SETBP1: variants seen among roughly 807,000 people sequenced by gnomAD.
The protein encoded by SETBP1 is SET-binding protein.
SETBP1 carries 9 observed loss-of-function variants against 101.0 expected under a neutral mutation model. The observed-to-expected ratio is 0.09, with a 90% CI of 0.05 to 0.16. The LOEUF (loss-of-function observed/expected upper bound fraction) is 0.16. Ranked by LOEUF, SETBP1 falls within the 10% of genes least tolerant of loss-of-function variation. The probability of loss-of-function intolerance (pLI) is 1.00; values close to 1 mark genes in which losing one functional copy is unlikely to be tolerated. For missense variants in SETBP1, 1,858 were observed against 2,033.8 expected (o/e 0.91, Z 1.66); for synonymous variants, 818 against 788.5 (o/e 1.04, Z -0.63).
At chr18:44,807,554 CAGAA>C (rs2071774580) in intron 2 of SETBP1, among the ~76,000 whole-genome samples, 1 of 152,132 alleles carries the variant, frequency 6.6e-6, no homozygotes, top group Non-Finnish European at 1.5e-5. Flanking sequence ...TGAGAGCCAA[CAGAA>C]ACTCCCAAAT....
intron 2 of SETBP1, among the ~76,000 whole-genome samples, chr18:44,758,942 A>C (rs1397071524): frequency 1.3e-5 from 2 of 152,206 alleles, no homozygotes; most frequent in Non-Finnish European, 2.9e-5. Context: ...GTCTGCAGGG[A>C]CCACCACAGA....
At chr18:45,027,649 G>T (rs2073195515) in intron 4 of SETBP1, among the ~76,000 whole-genome samples, 1 of 152,204 alleles carries the variant, frequency 6.6e-6, no homozygotes, top group Non-Finnish European at 1.5e-5. Flanking sequence ...TAAGTGTAGT[G>T]CTAAGAAGTA....
chr18:44,812,140 T>C (rs1268900190), intron 2 of SETBP1, among the ~76,000 whole-genome samples: 3 of 152,046 alleles, frequency 2.0e-5, no homozygotes, highest in African/African-American at 7.2e-5. Context: ...GAGAGCTGCA[T>C]GTAAGTCTCT....
chr18:44,770,179 G>A (rs2070843086), intron 2 of SETBP1, among the ~76,000 whole-genome samples: 1 of 152,208 alleles, frequency 6.6e-6, no homozygotes, highest in Admixed American at 6.5e-5. Flanking sequence ...TAACTGATAT[G>A]TTAATGAGAA....
chr18:45,045,603 A>T (rs756812103), intron 5 of SETBP1, among the ~76,000 whole-genome samples: 1 of 152,038 alleles, frequency 6.6e-6, no homozygotes, highest in African/African-American at 2.4e-5. Context: ...CACACCACAC[A>T]TGGGCCATGA....
intron 3 of SETBP1, among the ~76,000 whole-genome samples, chr18:44,902,763 T>C (rs571285028): frequency 2.0e-5 from 3 of 152,326 alleles, no homozygotes; most frequent in Admixed American, 2.0e-4. Flanking sequence ...TTATGGTATT[T>C]TCAGAATAAA....
intron 3 of SETBP1, among the ~76,000 whole-genome samples, chr18:44,941,836 C>A (rs190800424): frequency 9.9e-5 from 15 of 151,766 alleles, no homozygotes; most frequent in Admixed American, 9.9e-4. Context: ...GTAGTCGTTG[C>A]GATCCTGAGA....
intron 2 of SETBP1, among the ~76,000 whole-genome samples, chr18:44,737,155 G>C (rs893441290): frequency 2.6e-5 from 4 of 152,346 alleles, no homozygotes; most frequent in South Asian, 4.1e-4. Context: ...TCCTCAGCAG[G>C]CCTGGCTTGC....
chr18:44,858,689 T>G (rs2073021978), intron 2 of SETBP1, among the ~76,000 whole-genome samples: 1 of 152,210 alleles, frequency 6.6e-6, no homozygotes, highest in Non-Finnish European at 1.5e-5. Flanking sequence ...CATCCTGCTG[T>G]CCAGCTCCTT....
intron 3 of SETBP1, chr18:44,877,029 G>C: frequency 8.8e-7 from 1 of 1,141,302 alleles, no homozygotes; most frequent in Middle Eastern, 3.6e-4. Flanking sequence ...TGCTTGCTCA[G>C]ACGATCACTT....
chr18:45,036,726 G>A (rs1310008851), intron 4 of SETBP1, among the ~76,000 whole-genome samples: 1 of 152,180 alleles, frequency 6.6e-6, no homozygotes, highest in Non-Finnish European at 1.5e-5. Flanking sequence ...GAAGGAAGGA[G>A]GTAAATGTCA....
At chr18:44,947,931 T>C (rs139466047) in intron 3 of SETBP1, among the ~76,000 whole-genome samples, 79 of 152,360 alleles carry the variant, frequency 5.2e-4, no homozygotes, top group African/African-American at 1.8e-3. Context: ...CCTGTGATCC[T>C]GTTAGTAAAC....
At chr18:44,810,321 A>G (rs1435038023) in intron 2 of SETBP1, among the ~76,000 whole-genome samples, 1 of 152,230 alleles carries the variant, frequency 6.6e-6, no homozygotes, top group Non-Finnish European at 1.5e-5. Flanking sequence ...GGAAAATTGA[A>G]CTAGACAATG....
intron 2 of SETBP1, among the ~76,000 whole-genome samples, chr18:44,726,494 G>A (rs971113893): frequency 1.3e-5 from 2 of 152,142 alleles, no homozygotes; most frequent in Admixed American, 6.5e-5. Context: ...GCATGGGGAG[G>A]TTGAATAACT....
At chr18:44,794,120 A>C (rs2071421866) in intron 2 of SETBP1, among the ~76,000 whole-genome samples, 1 of 152,086 alleles carries the variant, frequency 6.6e-6, no homozygotes, top group South Asian at 2.1e-4. Flanking sequence ...TGAACAGGGG[A>C]GGGCTAAATA....
chr18:44,982,548 T>C (rs182722081), intron 4 of SETBP1, among the ~76,000 whole-genome samples: 1 of 152,354 alleles, frequency 6.6e-6, no homozygotes. Flanking sequence ...AGAGCATAGC[T>C]TTTTGAGTTT....
chr18:44,904,340 G>A (rs2070122922), intron 3 of SETBP1, among the ~76,000 whole-genome samples: 1 of 152,154 alleles, frequency 6.6e-6, no homozygotes, highest in African/African-American at 2.4e-5. Context: ...ATGCCTGGGA[G>A]TGAGTGCATA....
Position 45,063,577 on chromosome 18 carries a change from C to T in SETBP1, c.4670C>T (p.Pro1557Leu), listed in dbSNP as rs758267680. The change falls in exon 6 of 6, where the codon CCG becomes CTG. Residue 1557 changes from proline (P) to leucine (L), a missense_variant. By Grantham distance (98) the Pro-to-Leu change is moderately conservative. Coordinates refer to ENST00000649279, the MANE Select transcript of SETBP1 (RefSeq NM_015559.3). The part of the protein sequence containing the change: ...TPRGGKRKHK[P>L]QAPAQPPQQS... Reference sequence around the variant, plus strand: ...CGAGGCGGAAAGAGGAAACACAAACCGCAGGCCCCCGCTCAGCCCCCACAG... The same window carrying T: ...CGAGGCGGAAAGAGGAAACACAAACTGCAGGCCCCCGCTCAGCCCCCACAG... The T allele has an allele frequency of 3.9e-6, 6 of 1,554,442 alleles. No individual in the cohort carries two copies. The highest frequency in any genetic ancestry group is 1.2e-5 in the South Asian group (1 of 85,646).
At chr18:44,964,876 T>C (rs985003571) in intron 4 of SETBP1, among the ~76,000 whole-genome samples, 1 of 152,226 alleles carries the variant, frequency 6.6e-6, no homozygotes, top group Non-Finnish European at 1.5e-5. Flanking sequence ...TCTTAAGTGT[T>C]TTCCCAGATT....
Sources: gnomAD v4.1 joint callset for allele counts (sites outside exome capture counted in the v4.1 genomes callset) on GRCh38, gnomAD v4.1.1 for gene constraint, MANE v1.5 for transcripts, NCBI Gene and HGNC (gene_info 2026-07-23, HGNC 2026-07-21) for gene names.